The following ETV1 variants were observed in gnomAD, a reference collection of about 807,000 sequenced individuals.
The protein encoded by ETV1 is ETS variant transcription factor 1, also known as ETS translocation variant 1.
ETV1 carries 27 observed loss-of-function variants against 62.3 expected under a neutral mutation model. The ratio of observed to expected loss-of-function variants is 0.43; its 90% confidence interval spans 0.32 to 0.60. The LOEUF is 0.60. Ranked by LOEUF, ETV1 falls within the 20% of genes least tolerant of loss-of-function variation. The pLI is 0.06. For synonymous variants in ETV1, 222 were observed against 199.6 expected (o/e 1.11, Z -0.94); for missense variants, 605 against 605.8 (o/e 1.00, Z 0.01).
At chr7:13,911,481 A>C (rs1313760213) in intron 9 of ETV1, among the ~76,000 whole-genome samples, 174 bp from the exon 10 acceptor site, 2 of 152,196 alleles carry the variant, frequency 1.3e-5, no homozygotes, top group Non-Finnish European at 2.9e-5. Context: ...TGAAAGAATG[A>C]AGAGTATATA....
intron 11 of ETV1, among the ~76,000 whole-genome samples, chr7:13,907,234 C>T (rs189348983): frequency 2.0e-5 from 3 of 152,140 alleles, no homozygotes; most frequent in East Asian, 1.9e-4. Context: ...CTTCCTTCAC[C>T]GCATCATATA....
chr7:13,943,871 T>C (rs1787850111), intron 6 of ETV1, among the ~76,000 whole-genome samples: 1 of 152,120 alleles, frequency 6.6e-6, no homozygotes, highest in Non-Finnish European at 1.5e-5. Flanking sequence ...AATATAAAGT[T>C]TAAAAAACTC....
chr7:13,985,143 T>C (rs1782423695), intron 5 of ETV1, among the ~76,000 whole-genome samples: 1 of 151,924 alleles, frequency 6.6e-6, no homozygotes. Context: ...GCAAATAAAT[T>C]CTCTCATAAA....
intron 5 of ETV1, among the ~76,000 whole-genome samples, chr7:13,982,627 G>A (rs774820580): frequency 5.3e-5 from 8 of 151,778 alleles, no homozygotes; most frequent in Non-Finnish European, 7.4e-5. Context: ...TCCTCTCCCC[G>A]CCCACACACA....
At chr7:13,899,833 TA>T (rs1283794960) in intron 13 of ETV1, among the ~76,000 whole-genome samples, 1 of 152,218 alleles carries the variant, frequency 6.6e-6, no homozygotes, top group African/African-American at 2.4e-5. Flanking sequence ...TACTCTTTTT[TA>T]AAAAGCTACT....
chr7:13,990,197 T>C (rs1426380158), upstream of ETV1, among the ~76,000 whole-genome samples: 3 of 152,148 alleles, frequency 2.0e-5, no homozygotes, highest in East Asian at 5.8e-4. Context: ...ATTTTCCCGT[T>C]TTTCAAAACC....
At position 13,989,439 on chromosome 7, in the gene ETV1, C is replaced by G; in HGVS notation, c.-259G>C. ...GTGCAAAACTAGCAATGGCGATCAA[C>G]GAGACTTGCTTTGCACCTAACGGGA... is the stretch of plus-strand genomic sequence containing the variant. On this transcript the variant is annotated 5_prime_UTR_variant, in exon 2 of 14. Coordinates refer to ENST00000430479, the MANE Select transcript of ETV1 (RefSeq NM_004956.5). 1 of 427,118 alleles carries G rather than the reference C, an allele frequency of 2.3e-6. No individual in the cohort carries two copies. Among genetic ancestry groups the G allele is most frequent in the Non-Finnish European group, 4.1e-6 (1 of 243,992 alleles). 26.5% of individuals were successfully genotyped at this position (427,118 alleles called of 1,614,324 possible). A position where few individuals can be genotyped will look rare whatever the true frequency, so the allele number is the denominator to read the frequency against.
At chr7:13,926,624 T>C (rs951712401) in intron 9 of ETV1, among the ~76,000 whole-genome samples, 11 of 152,292 alleles carry the variant, frequency 7.2e-5, no homozygotes, top group Admixed American at 2.6e-4. Flanking sequence ...AAAAATATCA[T>C]GTTGGATTTA....
At chr7:13,903,746 G>T (rs965966848) in intron 12 of ETV1, among the ~76,000 whole-genome samples, 1 of 128,982 alleles carries the variant, frequency 7.8e-6, no homozygotes, top group African/African-American at 3.2e-5. Flanking sequence ...CTGGGTGACA[G>T]AGTGAGATTC....
intron 9 of ETV1, among the ~76,000 whole-genome samples, chr7:13,923,027 T>C (rs1408856129): frequency 6.6e-6 from 1 of 152,188 alleles, no homozygotes; most frequent in South Asian, 2.1e-4. Flanking sequence ...ATAAATGCAA[T>C]AGTAATAGTT....
chr7:13,900,955 AG>A lies in ETV1; in HGVS notation c.1111-117del. On this transcript the variant is annotated intron_variant, in intron 12 of 13. Coordinates refer to ENST00000430479, the MANE Select transcript of ETV1 (RefSeq NM_004956.5). ...CAAAAATGTCCAACTCAAGGATATAAGTAAAGTAGCAAGAGCTATCGTAATC... is the reference window on the plus strand; with the variant it reads ...CAAAAATGTCCAACTCAAGGATATAATAAAGTAGCAAGAGCTATCGTAATC... 8 of 629,474 alleles carry A rather than the reference AG, an allele frequency of 1.3e-5. 1 individual carries two copies. In the South Asian group the frequency reaches 2.0e-4, roughly 16 times the overall value. The allele number at this position is 629,474 out of a possible 1,614,324, so 39.0% of individuals were successfully genotyped here.
intron 11 of ETV1, among the ~76,000 whole-genome samples, chr7:13,907,447 T>A (rs2128415327): frequency 6.6e-6 from 1 of 152,316 alleles, no homozygotes; most frequent in African/African-American, 2.4e-5. Context: ...TATTTGATAT[T>A]CATATCTAGT....
intron 6 of ETV1, among the ~76,000 whole-genome samples, chr7:13,949,552 C>T (rs950022584): frequency 6.6e-6 from 1 of 152,132 alleles, no homozygotes; most frequent in East Asian, 1.9e-4. Context: ...TCCAAGCCCT[C>T]CCCACCCCCA....
chr7:13,901,084 A>T (rs1782371096), intron 12 of ETV1, among the ~76,000 whole-genome samples: 1 of 151,078 alleles, frequency 6.6e-6, no homozygotes, highest in Admixed American at 6.6e-5. Flanking sequence ...GGCTCACTGC[A>T]ACCTCCGCCT....
At position 13,910,738 on chromosome 7, in the gene ETV1, G is replaced by A. The variant is rs79131206; in HGVS notation, c.871+501C>T. 6.1e-3 allele frequency among the ~76,000 whole-genome samples: 923 copies of A among 152,188 alleles called. 64 individuals are homozygous for A. The East Asian group carries it at 0.14, about 24-fold the overall frequency. On this transcript the variant is annotated intron_variant, in intron 10 of 13. Coordinates refer to ENST00000430479, the MANE Select transcript of ETV1 (RefSeq NM_004956.5). ...TTTACAGGCAAAGCTTTCCTACCAC[G>A]GTTACCACAAGCCTGTCTATGAGAA...
At chr7:13,917,700 C>G in intron 9 of ETV1, among the ~76,000 whole-genome samples, 1 of 151,986 alleles carries the variant, frequency 6.6e-6, no homozygotes, top group South Asian at 2.1e-4. Context: ...CGCGGTGGCT[C>G]ACGCCTGTAA....
intron 6 of ETV1, among the ~76,000 whole-genome samples, chr7:13,942,020 CTTTTTTTTTTT>C (rs560415338): frequency 1.0e-5 from 1 of 99,754 alleles, no homozygotes; most frequent in South Asian, 3.4e-4. Flanking sequence ...CCATGCATTT[CTTTTTTTTTTT>C]TTTTTTTTTT....
chr7:13,985,883 A>G (rs571425543), intron 5 of ETV1, among the ~76,000 whole-genome samples: 35 of 152,212 alleles, frequency 2.3e-4, no homozygotes, highest in Non-Finnish European at 4.1e-4. Context: ...TGCATACGAT[A>G]AAAGATATAA....
intron 11 of ETV1, chr7:13,907,677 C>A (rs1200905266): frequency 3.3e-6 from 1 of 305,902 alleles, no homozygotes; most frequent in South Asian, 3.4e-5. Flanking sequence ...ATTGTTAGTG[C>A]ATAAATTGCT....
Sources: gnomAD v4.1 joint callset for allele counts (sites outside exome capture counted in the v4.1 genomes callset) on GRCh38, gnomAD v4.1.1 for gene constraint, MANE v1.5 for transcripts, NCBI Gene and HGNC (gene_info 2026-07-23, HGNC 2026-07-21) for gene names.